The following MEF2C variants were observed in gnomAD, a reference collection of about 807,000 sequenced individuals.
The protein encoded by MEF2C is myocyte-specific enhancer factor 2C.
In MEF2C, 6 loss-of-function variants were observed where a neutral mutation model predicts 50.5. The observed-to-expected ratio is 0.12, with a 90% CI of 0.07 to 0.23. The LOEUF (loss-of-function observed/expected upper bound fraction) is 0.23, where lower values mean the gene tolerates loss of function less well. Ranked by LOEUF, MEF2C falls within the 10% of genes least tolerant of loss-of-function variation. The pLI is 1.00. For missense variants in MEF2C, 276 were observed against 605.0 expected (o/e 0.46, Z 5.70); for synonymous variants, 183 against 228.0 (o/e 0.80, Z 1.78).
At position 88,869,816 on chromosome 5, in the gene MEF2C, C is replaced by T. The variant is rs189763807; in HGVS notation, c.-143+13139G>A. 1.2e-4 allele frequency among the ~76,000 whole-genome samples: 17 copies of T among 147,740 alleles called. No homozygotes were observed. In the Middle Eastern group the frequency reaches 0.01, roughly 89 times the overall value. ...TTATCTAGTATGCTTTTAAAACATG[C>T]ATGCTTACAAAAATAAAATGTCACA... On this transcript the variant is annotated intron_variant, in intron 1 of 10. Transcript: ENST00000504921.
intron 4 of MEF2C, among the ~76,000 whole-genome samples, chr5:88,757,569 A>G (rs1462782076): frequency 1.3e-5 from 2 of 152,050 alleles, no homozygotes; most frequent in East Asian, 3.9e-4. Context: ...TCCTTTTTCA[A>G]TCACCTGCTT....
At chr5:88,789,473 ATTT>A (rs879547333) in intron 3 of MEF2C, among the ~76,000 whole-genome samples, 1 of 143,610 alleles carries the variant, frequency 7.0e-6, no homozygotes, top group Non-Finnish European at 1.5e-5. Context: ...TGCTATAACT[ATTT>A]TTTTTTTTAA....
chr5:88,839,716 G>C (rs1448615893), intron 1 of MEF2C: 3 of 152,092 alleles, frequency 2.0e-5, no homozygotes, highest in Admixed American at 6.5e-5. Flanking sequence ...TTATTATTTG[G>C]TCACAATCCT....
chr5:88,724,863 A>C (rs1173333310), intron 10 of MEF2C, among the ~76,000 whole-genome samples: 1 of 152,142 alleles, frequency 6.6e-6, no homozygotes, highest in Non-Finnish European at 1.5e-5. Context: ...ATTTAATTAA[A>C]TGCTTCTGCT....
At chr5:88,748,060 A>C (rs1182982781) in intron 6 of MEF2C, 1 of 984,792 alleles carries the variant, frequency 1.0e-6, no homozygotes, top group Admixed American at 6.2e-5. Flanking sequence ...TAGGTCTAAT[A>C]CTTTTTCTTC....
At chr5:88,824,319 C>T (rs1267164708) in intron 1 of MEF2C, 1 of 984,848 alleles carries the variant, frequency 1.0e-6, no homozygotes, top group Non-Finnish European at 1.2e-6. Flanking sequence ...CCTGTGTATG[C>T]TAAGTAGGGC....
rs1328901581 is a variant in MEF2C at position 88,804,810 on chromosome 5, A to C, written c.55-9T>G. ...CTCTTTGTAAATGTCACCTAGAAAA[A>C]AGAAAGCAGCCAAGATTTTTTAAAA... On this transcript the variant is annotated splice_polypyrimidine_tract_variant and intron_variant, in intron 2 of 10. Coordinates refer to ENST00000504921, the MANE Select transcript of MEF2C (RefSeq NM_002397.5). The C allele has an allele frequency of 1.9e-6, 3 of 1,610,740 alleles. No individual in the cohort carries two copies. The highest frequency in any genetic ancestry group is 2.5e-6 in the Non-Finnish European group (3 of 1,177,720).
At chr5:88,725,512 C>G (rs186452202) in intron 10 of MEF2C, among the ~76,000 whole-genome samples, 4 of 151,926 alleles carry the variant, frequency 2.6e-5, no homozygotes, top group African/African-American at 7.3e-5. Context: ...AATATAGACA[C>G]GAATAATTAT....
At chr5:88,863,508 C>A (rs1826185383) in intron 1 of MEF2C, among the ~76,000 whole-genome samples, 1 of 152,194 alleles carries the variant, frequency 6.6e-6, no homozygotes. Context: ...GTTCAAGATT[C>A]ACTATTTTGA....
intron 1 of MEF2C, among the ~76,000 whole-genome samples, chr5:88,862,944 C>A (rs920998282): frequency 3.3e-5 from 5 of 152,176 alleles, no homozygotes; most frequent in African/African-American, 4.8e-5. Flanking sequence ...AAGTTCTGGG[C>A]AAGGCCTGCA....
At chr5:88,895,731 C>T (rs1169547333) in intron 1 of MEF2C, among the ~76,000 whole-genome samples, 10 of 152,134 alleles carry the variant, frequency 6.6e-5, no homozygotes, top group Admixed American at 6.5e-4. Flanking sequence ...AGTAATAGCT[C>T]TTTCACGAGT....
At chr5:88,745,139 T>C (rs189984762) in intron 6 of MEF2C, among the ~76,000 whole-genome samples, 4 of 152,368 alleles carry the variant, frequency 2.6e-5, no homozygotes, top group African/African-American at 9.6e-5. Flanking sequence ...TATTTTTCCC[T>C]TACTCAGCTA....
intron 1 of MEF2C, among the ~76,000 whole-genome samples, chr5:88,879,339 T>C (rs2150053425): frequency 6.6e-6 from 1 of 150,514 alleles, no homozygotes; most frequent in East Asian, 1.9e-4. Flanking sequence ...TCATATTCTG[T>C]TGTAAAGAAT....
rs192093841 is a variant in MEF2C at position 88,874,162 on chromosome 5, G to A, written c.-143+8793C>T. On this transcript the variant is annotated intron_variant, in intron 1 of 10. Transcript: ENST00000504921. ...TTGACCAGAGAATTACTTACTAGGC[G>A]AACCTCTAATAGAGTCAACGTTTTA... Among the ~76,000 whole-genome samples the A allele has an allele frequency of 2.9e-3, 444 of 151,942 alleles. 3 individuals carry two copies. Among genetic ancestry groups the A allele is most frequent in the African/African-American group, 0.01 (424 of 41,494 alleles).
intron 6 of MEF2C, chr5:88,742,049 T>G: frequency 7.1e-6 from 7 of 985,388 alleles, no homozygotes; most frequent in Non-Finnish European, 7.2e-6. Flanking sequence ...AACTGCAAAA[T>G]TTAAGTGATT....
At chr5:88,727,540 C>T (rs183110254) in intron 10 of MEF2C, among the ~76,000 whole-genome samples, 1 of 152,174 alleles carries the variant, frequency 6.6e-6, no homozygotes. Context: ...TCACTGTCTC[C>T]TTAGACATAT....
intron 3 of MEF2C, among the ~76,000 whole-genome samples, chr5:88,786,183 A>G (rs551211148): frequency 6.6e-6 from 1 of 152,338 alleles, no homozygotes; most frequent in South Asian, 2.1e-4. Flanking sequence ...GCAGCCTTCA[A>G]CCTGTAACTC....
At chr5:88,772,888 A>G (rs1053896555) in intron 3 of MEF2C, 1 of 985,366 alleles carries the variant, frequency 1.0e-6, no homozygotes, top group East Asian at 1.1e-4. Context: ...GAACAAACAC[A>G]CTTAGATGCT....
chr5:88,858,861 A>G (rs981856699), intron 1 of MEF2C, among the ~76,000 whole-genome samples: 2 of 152,234 alleles, frequency 1.3e-5, no homozygotes, highest in African/African-American at 4.8e-5. Context: ...TTCACATTCT[A>G]ATTATTTAAA....
Sources: allele counts gnomAD v4.1 joint callset (sites outside exome capture counted in the v4.1 genomes callset), GRCh38; gene constraint gnomAD v4.1.1; transcripts MANE v1.5; gene names NCBI Gene and HGNC (gene_info 2026-07-23, HGNC 2026-07-21).